Variants in PVT1 observed in about 807,000 individuals in gnomAD.
PVT1 encodes Pvt1 oncogene, also known as CXCR4/PVT1 fusion.
intron 5 of PVT1, among the ~76,000 whole-genome samples, chr8:128,089,600 C>T (rs185109579): frequency 1.1e-4 from 16 of 152,290 alleles, no homozygotes; most frequent in South Asian, 2.1e-4. Flanking sequence ...TTGCCCCTGC[C>T]CTTCTGGAAT....
intron 2 of PVT1, among the ~76,000 whole-genome samples, chr8:127,804,098 C>T (rs1309006837): frequency 6.6e-6 from 1 of 152,050 alleles, no homozygotes; most frequent in East Asian, 1.9e-4. Context: ...CACCTGTATT[C>T]CCATCTACTT....
chr8:127,799,626 C>T (rs1814439332), intron 2 of PVT1, among the ~76,000 whole-genome samples: 1 of 102,500 alleles, frequency 9.8e-6, no homozygotes, highest in Non-Finnish European at 2.2e-5. Context: ...GATCTGGTTA[C>T]TTTTGGGCAA....
chr8:127,846,888 A>G (rs901974704), intron 2 of PVT1, among the ~76,000 whole-genome samples: 18 of 148,552 alleles, frequency 1.2e-4, no homozygotes, highest in Non-Finnish European at 2.7e-4. Context: ...GCCATTTGGG[A>G]CAGGCTGGTC....
chr8:128,031,624 T>C (rs374206811), intron 4 of PVT1, among the ~76,000 whole-genome samples: 1 of 152,208 alleles, frequency 6.6e-6, no homozygotes, highest in African/African-American at 2.4e-5. Flanking sequence ...TGTGTGTGCA[T>C]CTGATAATGA....
intron 3 of PVT1, among the ~76,000 whole-genome samples, chr8:127,961,834 C>T (rs554132192): frequency 3.3e-4 from 50 of 152,178 alleles, no homozygotes; most frequent in Non-Finnish European, 6.2e-4. Context: ...CTCCAGAGGC[C>T]CCCCCTGCCC....
intron 3 of PVT1, among the ~76,000 whole-genome samples, chr8:127,943,318 C>A (rs1157635253): frequency 1.3e-5 from 2 of 152,170 alleles, no homozygotes; most frequent in African/African-American, 4.8e-5. Flanking sequence ...TTCTGGCCAG[C>A]CCTGGTGGGT....
chr8:127,851,890 C>T (rs567254733), intron 2 of PVT1: 23 of 152,484 alleles, frequency 1.5e-4, no homozygotes, highest in South Asian at 6.2e-4. Flanking sequence ...TTCTCTAGAC[C>T]GGTTGCCACG....
intron 3 of PVT1, among the ~76,000 whole-genome samples, chr8:127,910,912 T>TGAGA (rs59712883): frequency 9.2e-4 from 137 of 148,926 alleles, no homozygotes; most frequent in Admixed American, 5.4e-3. Context: ...TGTGTGTGTG[T>TGAGA]GAGAGAGAGA....
chr8:127,825,190 GT>G lies in PVT1; in HGVS notation n.372+29120del, dbSNP rs372676535. On this transcript the variant is annotated intron_variant and non_coding_transcript_variant, in intron 2 of 10. Coordinates refer to ENST00000651587, the Ensembl canonical transcript of PVT1. Reference sequence around the variant, plus strand: ...AAATAATGTTGAGATGAGTGTTTTGGTGTATATGTCTGTGCATGTGTGCACA... The same window carrying G: ...AAATAATGTTGAGATGAGTGTTTTGGGTATATGTCTGTGCATGTGTGCACA... 2.7e-3 allele frequency among the ~76,000 whole-genome samples: 403 copies of G among 151,300 alleles called. 2 individuals carry two copies. The highest frequency in any genetic ancestry group is 9.5e-3 in the African/African-American group (389 of 41,158).
At chr8:127,835,608 TACAA>T (rs879362723) in intron 2 of PVT1, among the ~76,000 whole-genome samples, 2 of 151,966 alleles carry the variant, frequency 1.3e-5, no homozygotes, top group Admixed American at 1.3e-4. Context: ...GAACTTAAAG[TACAA>T]ACAAACAAAC....
intron 2 of PVT1, among the ~76,000 whole-genome samples, chr8:127,856,947 T>C (rs1348195798): frequency 6.6e-6 from 1 of 152,062 alleles, no homozygotes. Context: ...ATCCGAGGGC[T>C]GGGCGAGGTG....
intron 4 of PVT1, among the ~76,000 whole-genome samples, chr8:128,017,515 T>C (rs1586483067): frequency 2.6e-5 from 4 of 151,992 alleles, no homozygotes; most frequent in Admixed American, 2.6e-4. Context: ...CACTGCAGCC[T>C]CAACCTCCTA....
At chr8:127,855,085 T>C (rs1815146893) in intron 2 of PVT1, 1 of 398,502 alleles carries the variant, frequency 2.5e-6, no homozygotes, top group African/African-American at 2.1e-5. Context: ...AACTACCCGA[T>C]TCAAGTTAAG....
intron 4 of PVT1, among the ~76,000 whole-genome samples, chr8:128,051,468 A>G (rs1398117297): frequency 6.6e-6 from 1 of 152,146 alleles, no homozygotes; most frequent in African/African-American, 2.4e-5. Context: ...ATGGATTGAG[A>G]TGTTTATTTT....
intron 4 of PVT1, among the ~76,000 whole-genome samples, chr8:128,007,811 A>G (rs80298284): frequency 0.015 from 2,275 of 152,362 alleles, 55 homozygotes; most frequent in African/African-American, 0.052. Flanking sequence ...ATTTTCCAGC[A>G]CAGGCAGTGC....
At chr8:128,092,576 C>T (rs1194652345) in intron 5 of PVT1, among the ~76,000 whole-genome samples, 1 of 152,190 alleles carries the variant, frequency 6.6e-6, no homozygotes, top group Non-Finnish European at 1.5e-5. Flanking sequence ...CCTGTCCTGC[C>T]ACTCACCCAC....
chr8:128,009,480 C>CT (rs112000428), intron 4 of PVT1: 69 of 147,070 alleles, frequency 4.7e-4, no homozygotes, highest in South Asian at 1.1e-3. Context: ...AACTGTAAAG[C>CT]TTTTTTTTTT....
rs140431327 is a variant in PVT1, at chr8:127,826,163, T to C, written n.372+30092T>C. Among the ~76,000 whole-genome samples, 1,108 of 152,076 alleles carry C rather than the reference T, an allele frequency of 7.3e-3. 10 individuals carry two copies. Among genetic ancestry groups the C allele is most frequent in the South Asian group, 0.029 (141 of 4,800 alleles). On this transcript the variant is annotated intron_variant and non_coding_transcript_variant, in intron 2 of 10. Transcript: ENST00000651587. ...GCATGAGCTACCGCTACACCCAGCCTATCCTGTTTACCTACAACTTGCCAG... is the reference window on the plus strand; with the variant it reads ...GCATGAGCTACCGCTACACCCAGCCCATCCTGTTTACCTACAACTTGCCAG...
intron 3 of PVT1, among the ~76,000 whole-genome samples, chr8:127,966,888 T>C (rs1276286755): frequency 6.6e-6 from 1 of 152,154 alleles, no homozygotes; most frequent in Non-Finnish European, 1.5e-5. Flanking sequence ...AGAATGCCTT[T>C]CTTTTTTTCT....
Sources: gnomAD v4.1 joint callset for allele counts (sites outside exome capture counted in the v4.1 genomes callset) on GRCh38, gnomAD v4.1.1 for gene constraint, MANE v1.5 for transcripts, NCBI Gene and HGNC (gene_info 2026-07-23, HGNC 2026-07-21) for gene names.